TMEM71: variants seen among roughly 807,000 people sequenced by gnomAD.
TMEM71 encodes transmembrane protein 71.
TMEM71 carries 44 observed loss-of-function variants against 38.0 expected under a neutral mutation model. The ratio of observed to expected loss-of-function variants is 1.16; its 90% CI spans 0.91 to 1.49. The LOEUF is 1.49. TMEM71 is among the 40% of genes most tolerant of loss of function. The pLI is 0.00. For missense variants in TMEM71, 367 were observed against 348.6 expected, an observed-to-expected ratio of 1.05 and a Z score of -0.42; for synonymous variants, 133 against 122.5, an observed-to-expected ratio of 1.09 and a Z score of -0.56.
chr8:132,761,368 T>C (rs1044561928), upstream of TMEM71, among the ~76,000 whole-genome samples: 4 of 152,236 alleles, frequency 2.6e-5, no homozygotes, highest in Admixed American at 1.3e-4. Flanking sequence ...TGTCATATGA[T>C]GGCTTGAAGA....
At chr8:132,761,052 A>G (rs1460578206), upstream of TMEM71, among the ~76,000 whole-genome samples, 1 of 152,224 alleles carries the variant, frequency 6.6e-6, no homozygotes, top group Middle Eastern at 3.2e-3. Context: ...AGGTTTATCT[A>G]ATGAAGGTTG....
intron 5 of TMEM71, among the ~76,000 whole-genome samples, chr8:132,729,066 A>T (rs1586790807): frequency 6.6e-6 from 1 of 152,256 alleles, no homozygotes; most frequent in African/African-American, 2.4e-5. Context: ...TTAGCCTGAC[A>T]TTCTCACAAA....
At chr8:132,758,748 T>C (rs1168584863) in intron 2 of TMEM71, 92 bp downstream of exon 2, 2 of 1,075,944 alleles carry the variant, frequency 1.9e-6, no homozygotes, top group African/African-American at 1.6e-5. Context: ...TGGTTAATGG[T>C]CTGAGTATCA....
upstream of TMEM71, among the ~76,000 whole-genome samples, chr8:132,764,775 T>C (rs1329198412): frequency 1.3e-5 from 2 of 152,258 alleles, no homozygotes; most frequent in Admixed American, 6.5e-5. Context: ...TGCATCACAA[T>C]TGGAACTAAT....
At chr8:132,716,998 G>A (rs1826569224) in intron 7 of TMEM71, among the ~76,000 whole-genome samples, 1 of 152,204 alleles carries the variant, frequency 6.6e-6, no homozygotes, top group African/African-American at 2.4e-5. Context: ...AAAGTTGGAA[G>A]GCTCATGCTT....
chr8:132,746,468 T>TATATATAC (rs1828382691), intron 5 of TMEM71, among the ~76,000 whole-genome samples: 1 of 13,022 alleles, frequency 7.7e-5, no homozygotes, highest in African/African-American at 2.8e-4. Flanking sequence ...TATATACATA[T>TATATATAC]ATATATACAT....
In TMEM71 at chr8:132,727,852, G is replaced by A; in HGVS notation, c.622C>T (p.Gln208Ter). 9 of 1,614,122 alleles carry A rather than the reference G, an allele frequency of 5.6e-6. 1 individual carries two copies. The highest frequency in any genetic ancestry group is 4.4e-5 in the South Asian group (4 of 91,054). The change falls in exon 6 of 10, where the codon CAG becomes TAG. Residue 208 changes from glutamine (Q) to a stop codon, truncating the protein, a stop_gained. Transcript: ENST00000677595. LOFTEE classifies it high-confidence loss of function. The part of the protein sequence containing the change: ...PGGNSHSLSL[Q>*]SQLTASERFQ... The stretch of plus-strand genomic sequence containing the variant: ...CGTTCAGAAGCTGTCAACTGGGACT[G>A]AAGAGACAAGCTATGGGAGTTTCCT...
the TMEM71 span, among the ~76,000 whole-genome samples, chr8:132,766,649 G>T: frequency 1.3e-5 from 2 of 151,982 alleles, no homozygotes; most frequent in Non-Finnish European, 2.9e-5. Flanking sequence ...AAAATAGCCA[G>T]GTGTAGTGGC....
chr8:132,758,623 A>ATT, intron 2 of TMEM71: 27 of 450,770 alleles, frequency 6.0e-5, no homozygotes, highest in South Asian at 1.7e-4. Context: ...AAAAACGGTG[A>ATT]TTTTTTTTTT....
the TMEM71 span, chr8:132,775,663 C>G: frequency 3.0e-6 from 1 of 335,120 alleles, no homozygotes; most frequent in Non-Finnish European, 5.4e-6. Flanking sequence ...GCGGCGGCGG[C>G]TGAGCCGGCA....
Position 132,726,701 on chromosome 8 carries a change from T to C in TMEM71, c.676+1097A>G, listed in dbSNP as rs538324795. On this transcript the variant is annotated intron_variant, in intron 6 of 9. Coordinates refer to ENST00000677595, the MANE Select transcript of TMEM71 (RefSeq NM_001382403.1). Reference sequence around the variant, plus strand: ...TGTCCAAACATGCTTAATCTGACATTAGCAAACCAGAGACTAAGGGACATG... The same window carrying C: ...TGTCCAAACATGCTTAATCTGACATCAGCAAACCAGAGACTAAGGGACATG... Among the ~76,000 whole-genome samples, 13 of 152,316 alleles carry C rather than the reference T, an allele frequency of 8.5e-5. No homozygotes were observed. The South Asian group carries it at 2.5e-3, about 29-fold the overall frequency.
chr8:132,773,448 C>T, the TMEM71 span, among the ~76,000 whole-genome samples: 1 of 152,164 alleles, frequency 6.6e-6, no homozygotes. Flanking sequence ...GGATTCTCAA[C>T]AAATAGTTGG....
At chr8:132,750,022 A>AAAG (rs1554619429) in intron 4 of TMEM71, among the ~76,000 whole-genome samples, 26 of 151,080 alleles carry the variant, frequency 1.7e-4, no homozygotes, top group South Asian at 4.2e-4. Context: ...CAAAAAAAAA[A>AAAG]AAAGAAAGAA....
chr8:132,774,069 G>A, the TMEM71 span, among the ~76,000 whole-genome samples: 4 of 152,164 alleles, frequency 2.6e-5, no homozygotes, highest in African/African-American at 9.7e-5. Flanking sequence ...TGGTGAGCTG[G>A]CATTAAAAAT....
the TMEM71 span, among the ~76,000 whole-genome samples, chr8:132,770,762 A>G: frequency 2.0e-5 from 3 of 152,322 alleles, no homozygotes; most frequent in East Asian, 5.8e-4. Flanking sequence ...GAATCCTCAC[A>G]CACTGCGGGT....
At chr8:132,763,680 CT>C (rs1203798321), upstream of TMEM71, among the ~76,000 whole-genome samples, 1 of 152,198 alleles carries the variant, frequency 6.6e-6, no homozygotes, top group Non-Finnish European at 1.5e-5. Flanking sequence ...CCTTGAGAAT[CT>C]TTTGGTCACA....
At chr8:132,742,094 C>G (rs1315565253) in intron 5 of TMEM71, among the ~76,000 whole-genome samples, 1 of 152,200 alleles carries the variant, frequency 6.6e-6, no homozygotes, top group Non-Finnish European at 1.5e-5. Context: ...GCTCCTATCT[C>G]TGTATGGCCT....
At chr8:132,727,776 T>C (rs747019551) in intron 6 of TMEM71, 22 bp downstream of exon 6, 5 of 1,554,678 alleles carry the variant, frequency 3.2e-6, no homozygotes, top group South Asian at 1.2e-5. Context: ...GTGTGGCAAA[T>C]ATTTAAAACA....
Position 132,710,797 on chromosome 8 carries a change from T to C in TMEM71, c.*170A>G, listed in dbSNP as rs543391744. On this transcript the variant is annotated 3_prime_UTR_variant, in exon 10 of 10. Coordinates refer to ENST00000677595, the MANE Select transcript of TMEM71 (RefSeq NM_001382403.1). ...TTTCATGAGCATATTATAATTTTGA[T>C]GGAAAAACTGAGATCATTTTAAAAT... is the stretch of plus-strand genomic sequence containing the variant. 1.5e-6 allele frequency: 1 copy of C among 662,372 alleles called. No homozygotes were observed. The highest frequency in any genetic ancestry group is 2.8e-5 in the Admixed American group (1 of 35,994). The allele number at this position is 662,372 out of a possible 1,614,324, so 41.0% of individuals were successfully genotyped here. A position where few individuals can be genotyped will look rare whatever the true frequency, so the allele number is the denominator to read the frequency against.
Sources: gnomAD v4.1 joint callset for allele counts (sites outside exome capture counted in the v4.1 genomes callset) on GRCh38, gnomAD v4.1.1 for gene constraint, MANE v1.5 for transcripts, NCBI Gene and HGNC (gene_info 2026-07-23, HGNC 2026-07-21) for gene names.